The following SCN7A variants were observed in gnomAD, a reference collection of about 807,000 sequenced individuals.
SCN7A encodes the protein sodium channel protein type 7 subunit alpha.
A neutral mutation model predicts 155.2 loss-of-function variants in SCN7A; 138 were observed. That is an observed-to-expected ratio of 0.89 (90% CI 0.77 to 1.02). SCN7A has a LOEUF of 1.02. SCN7A is among the 50% of genes least tolerant of loss of function. The pLI, the probability that SCN7A is intolerant of heterozygous loss-of-function variation, is 0.00. For synonymous variants in SCN7A, 693 were observed against 649.0 expected (o/e 1.07, Z -1.03); for missense variants, 2,058 against 1,986.6 (o/e 1.04, Z -0.68).
chr2:166,490,583 A>G (rs1683074404), intron 1 of SCN7A, among the ~76,000 whole-genome samples: 1 of 152,204 alleles, frequency 6.6e-6, no homozygotes, highest in South Asian at 2.1e-4. Flanking sequence ...TACACAATGG[A>G]ACGCTATTCG....
Position 166,473,897 on chromosome 2 carries a change from T to A in SCN7A, c.354-9A>T, listed in dbSNP as rs374284189. 7.0e-7 allele frequency: 1 copy of A among 1,436,118 alleles called. No homozygotes were observed. The highest frequency in any genetic ancestry group is 1.8e-5 in the Admixed American group (1 of 56,498). The allele number at this position is 1,436,118 out of a possible 1,614,324, so 89.0% of individuals were successfully genotyped here. A position where few individuals can be genotyped will look rare whatever the true frequency, so the allele number is the denominator to read the frequency against. ...TAAACAGTTGGAAAAAGGTAGCTTA[T>A]AGTCAAGGAATAATAGTTAATAAAT... On this transcript the variant is annotated splice_polypyrimidine_tract_variant and intron_variant, in intron 4 of 25. Coordinates refer to ENST00000643258, the MANE Select transcript of SCN7A (RefSeq NM_002976.4).
At position 166,406,387 on chromosome 2, in the gene SCN7A, C is replaced by A; in HGVS notation, c.4242G>T (p.Val1414=). The change falls in exon 26 of 26, where the codon GTG becomes GTT. Residue 1414 remains valine, a synonymous_variant. Transcript: ENST00000643258. ...YVKKEAGIND[V]SNFETFGNSM... is the part of the protein sequence containing the mutation. ...TGTTGCCAAAGGTTTCAAAATTAGA[C>A]ACATCATTAATTCCAGCTTCTTTTT... 1.2e-6 allele frequency: 2 copies of A among 1,612,998 alleles called. No individual in the cohort carries two copies. The highest frequency in any genetic ancestry group is 8.5e-7 in the Non-Finnish European group (1 of 1,179,360).
chr2:166,491,409 T>C (rs1018093591), intron 1 of SCN7A, among the ~76,000 whole-genome samples: 8 of 152,144 alleles, frequency 5.3e-5, no homozygotes, highest in African/African-American at 1.9e-4. Context: ...ACAACAGGGA[T>C]ATCTGTTTGC....
intron 9 of SCN7A, among the ~76,000 whole-genome samples, chr2:166,464,488 G>C (rs1702483385): frequency 6.6e-6 from 1 of 152,132 alleles, no homozygotes; most frequent in Non-Finnish European, 1.5e-5. Context: ...AATGAGACAT[G>C]ACAGTTATGT....
At chr2:166,477,929 G>A (rs532380051) in intron 2 of SCN7A, among the ~76,000 whole-genome samples, 24 of 151,788 alleles carry the variant, frequency 1.6e-4, no homozygotes, top group African/African-American at 5.3e-4. Context: ...CTTATTCATC[G>A]TTTTAACATT....
Position 166,405,806 on chromosome 2 carries a change from G to A in SCN7A, c.4823C>T (p.Pro1608Leu). The A allele has an allele frequency of 6.2e-7, 1 of 1,613,006 alleles. No homozygotes were observed. Among genetic ancestry groups the A allele is most frequent in the Non-Finnish European group, 8.5e-7 (1 of 1,179,372 alleles). ...EIESGFLLANPFKITCEPITT... is the reference protein window; with the variant it reads ...EIESGFLLANLFKITCEPITT... ...AATTGGCTCACATGTGATCTTAAAA[G>A]GGTTGGCTAACAAAAACCCTGATTC... Residue 1608 changes from proline to leucine, a missense_variant, in exon 26 of 26, where the codon CCT becomes CTT. By Grantham distance (98) the Pro-to-Leu change is moderately conservative (BLOSUM62 -3). Coordinates refer to ENST00000643258, the MANE Select transcript of SCN7A (RefSeq NM_002976.4).
intron 10 of SCN7A, among the ~76,000 whole-genome samples, chr2:166,459,581 T>C (rs1280949505): frequency 6.6e-6 from 1 of 152,112 alleles, no homozygotes; most frequent in Non-Finnish European, 1.5e-5. Flanking sequence ...TTGGGAAGAA[T>C]TGCTAAATTT....
intron 21 of SCN7A, among the ~76,000 whole-genome samples, chr2:166,414,271 C>A (rs187608090): frequency 0.018 from 482 of 27,198 alleles, 25 homozygotes; most frequent in African/African-American, 0.031. Flanking sequence ...TATACACACA[C>A]ATATATATAT....
intron 1 of SCN7A, among the ~76,000 whole-genome samples, chr2:166,492,061 C>T (rs1166939959): frequency 6.6e-6 from 1 of 151,850 alleles, no homozygotes; most frequent in African/African-American, 2.4e-5. Flanking sequence ...AGGTATTTAT[C>T]CTACTTTGGG....
intron 3 of SCN7A, among the ~76,000 whole-genome samples, chr2:166,474,914 T>C (rs1412228436): frequency 1.3e-5 from 2 of 151,154 alleles, no homozygotes; most frequent in Non-Finnish European, 3.0e-5. Context: ...ATTGAGATAT[T>C]AAAGCATTAA....
intron 18 of SCN7A, 138 bp from the exon 19 acceptor site, chr2:166,423,570 T>C: frequency 1.1e-6 from 1 of 912,302 alleles, no homozygotes; most frequent in Non-Finnish European, 1.5e-6. Context: ...CCAGGGCTGG[T>C]TCACTATGCT....
In SCN7A at chr2:166,472,454, A is replaced by T. The variant is rs758661112; in HGVS notation, c.444-9T>A. The T allele has an allele frequency of 1.3e-6, 2 of 1,570,320 alleles. No homozygotes were observed. Among genetic ancestry groups the T allele is most frequent in the Non-Finnish European group, 1.7e-6 (2 of 1,148,192 alleles). ...TTCCAAGCAAAGTATTCCTGCAGAA[A>T]TTTTTTCATATAAATATTATTGGTG... On this transcript the variant is annotated splice_polypyrimidine_tract_variant and intron_variant, in intron 5 of 25. Transcript: ENST00000643258.
At chr2:166,452,876 T>C (rs1702202643) in intron 11 of SCN7A, among the ~76,000 whole-genome samples, 1 of 152,192 alleles carries the variant, frequency 6.6e-6, no homozygotes, top group African/African-American at 2.4e-5. Flanking sequence ...ATATGTCTGG[T>C]GCATATCTGA....
intron 5 of SCN7A, among the ~76,000 whole-genome samples, chr2:166,473,282 C>T (rs1702699796): frequency 6.6e-6 from 1 of 151,622 alleles, no homozygotes; most frequent in Non-Finnish European, 1.5e-5. Context: ...AATTTGCTCC[C>T]TATAGGGATT....
intron 9 of SCN7A, 147 bp from the exon 10 acceptor site, chr2:166,462,677 T>C (rs1186416396): frequency 3.0e-6 from 2 of 662,428 alleles, no homozygotes; most frequent in Non-Finnish European, 4.8e-6. Flanking sequence ...AATTGCTTGC[T>C]AAAAAGTCAC....
rs906919382 is a variant in SCN7A at position 166,429,239 on chromosome 2, A to G, written c.2628T>C (p.Thr876=). ...IKQSSSSECS[T]VDIAISEEEE... ...CTTCTTCAGAGATAGCAATATCAACAGTACTGCATTCAGATGAGCTAGATT... is the reference window on the plus strand; with the variant it reads ...CTTCTTCAGAGATAGCAATATCAACGGTACTGCATTCAGATGAGCTAGATT... Residue 876 remains threonine, a synonymous_variant, in exon 17 of 26, where the codon ACT becomes ACC. Coordinates refer to ENST00000643258, the MANE Select transcript of SCN7A (RefSeq NM_002976.4). The G allele has an allele frequency of 8.4e-6, 13 of 1,545,778 alleles. No homozygotes were observed. The highest frequency in any genetic ancestry group is 2.7e-5 in the African/African-American group (2 of 73,036).
chr2:166,479,835 G>T (rs1569161), intron 2 of SCN7A, among the ~76,000 whole-genome samples: 2 of 152,082 alleles, frequency 1.3e-5, no homozygotes, highest in Admixed American at 6.5e-5. Flanking sequence ...AGTCCCTCAA[G>T]AAATGTTTCA....
At chr2:166,493,626 A>G (rs1012607155) in intron 1 of SCN7A, among the ~76,000 whole-genome samples, 5 of 152,188 alleles carry the variant, frequency 3.3e-5, no homozygotes, top group Admixed American at 1.3e-4. Context: ...CCTTTCCTCC[A>G]TTTTATACTA....
At position 166,432,687 on chromosome 2, in the gene SCN7A, C is replaced by T. The variant is rs537607814; in HGVS notation, c.2223G>A (p.Glu741=). Residue 741 remains glutamate, a synonymous_variant, in exon 16 of 26, where the codon GAG becomes GAA. Coordinates refer to ENST00000643258, the MANE Select transcript of SCN7A (RefSeq NM_002976.4). The part of the protein sequence containing the change: ...FSSCKDVTAE[E]NNEAKNLQLA... ...GCTGGAGATTTTTTGCTTCATTATT[C>T]TCTTCAGCTGTTACATCCTTGCATG... The T allele has an allele frequency of 2.5e-6, 4 of 1,601,176 alleles. No homozygotes were observed. Among genetic ancestry groups the T allele is most frequent in the African/African-American group, 1.3e-5 (1 of 74,380 alleles).
Sources: allele counts gnomAD v4.1 joint callset (sites outside exome capture counted in the v4.1 genomes callset), GRCh38; gene constraint gnomAD v4.1.1; transcripts MANE v1.5; gene names NCBI Gene and HGNC (gene_info 2026-07-23, HGNC 2026-07-21).